The following SRRM4 variants were observed in gnomAD, a reference collection of about 807,000 sequenced individuals.
The protein encoded by SRRM4 is serine/arginine repetitive matrix 4.
In SRRM4, 33 loss-of-function variants were observed where a neutral mutation model predicts 68.9. The ratio of observed to expected loss-of-function variants is 0.48; its 90% CI spans 0.36 to 0.64. SRRM4 has a LOEUF of 0.64. SRRM4 is among the 30% of genes least tolerant of loss of function. SRRM4 has a pLI of 0.00. For missense variants in SRRM4, 817 were observed against 827.1 expected (o/e 0.99, Z 0.15); for synonymous variants, 318 against 318.8 (o/e 1.00, Z 0.03).
chr12:119,032,125 G>T (rs1342577143), intron 1 of SRRM4, among the ~76,000 whole-genome samples: 1 of 151,998 alleles, frequency 6.6e-6, no homozygotes, highest in African/African-American at 2.4e-5. Flanking sequence ...CTTCTCACCT[G>T]AGCAATGAGT....
chr12:119,090,610 C>T (rs1388565585), intron 1 of SRRM4, among the ~76,000 whole-genome samples: 1 of 152,182 alleles, frequency 6.6e-6, no homozygotes, highest in Non-Finnish European at 1.5e-5. Context: ...TTGCAGCCAA[C>T]ATTCCCACCT....
rs1396640926 is a variant in SRRM4, at chr12:119,162,800, C to T, written c.*6002C>T. ...AATCTCCTCTGGAAAATTCCCAACCCGAGGACCCACCATGAGCCCAGCTCA... is the reference window on the plus strand; with the variant it reads ...AATCTCCTCTGGAAAATTCCCAACCTGAGGACCCACCATGAGCCCAGCTCA... On this transcript the variant is annotated 3_prime_UTR_variant, in exon 13 of 13. Coordinates refer to ENST00000267260, the MANE Select transcript of SRRM4 (RefSeq NM_194286.4). 3 of 152,252 alleles carry T rather than the reference C, an allele frequency of 2.0e-5. No individual in the cohort carries two copies. The highest frequency in any genetic ancestry group is 4.8e-5 in the African/African-American group (2 of 41,454). The allele number at this position is 152,252 out of a possible 1,614,324, so 9.4% of individuals were successfully genotyped here.
Position 119,122,054 on chromosome 12 carries a change from A to T in SRRM4, c.465-16A>T. 1 of 1,579,834 alleles carries T rather than the reference A, an allele frequency of 6.3e-7. No homozygotes were observed. Among genetic ancestry groups the T allele is most frequent in the Non-Finnish European group, 8.7e-7 (1 of 1,149,114 alleles). On this transcript the variant is annotated splice_polypyrimidine_tract_variant and intron_variant, in intron 5 of 12. Coordinates refer to ENST00000267260, the MANE Select transcript of SRRM4 (RefSeq NM_194286.4). Reference sequence around the variant, plus strand: ...GAATTTTGCATCTTTCAATTAATTGACCATTTCTTGTTTAGCTCCTCTAGC... The same window carrying T: ...GAATTTTGCATCTTTCAATTAATTGTCCATTTCTTGTTTAGCTCCTCTAGC...
intron 10 of SRRM4, 86 bp from the exon 11 acceptor site, chr12:119,153,453 G>T: frequency 2.3e-6 from 2 of 868,308 alleles, no homozygotes; most frequent in Non-Finnish European, 1.9e-6. Flanking sequence ...CACTGCCCAG[G>T]GACCCGCTGA....
At chr12:118,983,160 A>T (rs970958031) in intron 1 of SRRM4, among the ~76,000 whole-genome samples, 5 of 152,224 alleles carry the variant, frequency 3.3e-5, no homozygotes, top group Admixed American at 6.5e-5. Flanking sequence ...CTTTCCAGTG[A>T]GTGTGAGGTG....
intron 2 of SRRM4, among the ~76,000 whole-genome samples, chr12:119,102,776 T>A (rs1160671616): frequency 1.3e-5 from 2 of 152,196 alleles, no homozygotes; most frequent in Non-Finnish European, 2.9e-5. Flanking sequence ...CAAATCATAG[T>A]TTCAGCCCAG....
At chr12:119,020,160 C>T (rs1022832691) in intron 1 of SRRM4, among the ~76,000 whole-genome samples, 2 of 152,006 alleles carry the variant, frequency 1.3e-5, no homozygotes, top group Non-Finnish European at 2.9e-5. Context: ...GGTGGTGGTG[C>T]TGCATGGGGC....
chr12:119,094,840 T>C (rs1954033692), intron 1 of SRRM4, among the ~76,000 whole-genome samples: 1 of 152,220 alleles, frequency 6.6e-6, no homozygotes, highest in African/African-American at 2.4e-5. Context: ...GCAGAAACAA[T>C]GTCTTGGTTA....
intron 1 of SRRM4, among the ~76,000 whole-genome samples, chr12:118,997,693 T>TA (rs1276665887): frequency 1.3e-5 from 2 of 152,076 alleles, no homozygotes; most frequent in African/African-American, 2.4e-5. Context: ...GCTTAAATGG[T>TA]AAAAAAGAAC....
chr12:119,099,677 G>C (rs1954066739), intron 1 of SRRM4, among the ~76,000 whole-genome samples: 1 of 151,902 alleles, frequency 6.6e-6, no homozygotes, highest in South Asian at 2.1e-4. Context: ...ATGTCAACCA[G>C]GTTTGCAGTC....
chr12:119,058,313 TAA>T (rs1040233497), intron 1 of SRRM4, among the ~76,000 whole-genome samples: 1 of 152,228 alleles, frequency 6.6e-6, no homozygotes, highest in Non-Finnish European at 1.5e-5. Flanking sequence ...TAACAAATAG[TAA>T]AGATTAACAA....
chr12:119,088,634 G>A (rs927107482), intron 1 of SRRM4, among the ~76,000 whole-genome samples: 5 of 147,984 alleles, frequency 3.4e-5, no homozygotes, highest in African/African-American at 1.2e-4. Flanking sequence ...AGAGATGCTG[G>A]AACACAGTGC....
At chr12:119,053,777 T>G (rs1953759743) in intron 1 of SRRM4, among the ~76,000 whole-genome samples, 1 of 152,058 alleles carries the variant, frequency 6.6e-6, no homozygotes, top group African/African-American at 2.4e-5. Flanking sequence ...GGGTATGTAG[T>G]AGGAGTATAT....
Position 119,154,483 on chromosome 12 carries a change from G to A in SRRM4, c.1532+100G>A, listed in dbSNP as rs1387719279. The A allele has an allele frequency of 1.5e-5, 20 of 1,366,140 alleles. No homozygotes were observed. The highest frequency in any genetic ancestry group is 4.5e-5 in the Admixed American group (2 of 44,724). The allele number at this position is 1,366,140 out of a possible 1,614,324, so 84.6% of individuals were successfully genotyped here. On this transcript the variant is annotated intron_variant, in intron 12 of 12. Transcript: ENST00000267260. The surrounding 1 kb of genome is among the most constrained non-coding windows in gnomAD (Gnocchi z 4.7). ...CTCTCCCTAGGCCTCCTTGGGGCTG[G>A]GATTTAGGATTGTGCGAGCTTATGG...
intron 2 of SRRM4, among the ~76,000 whole-genome samples, chr12:119,103,894 T>G (rs913994776): frequency 1.3e-5 from 2 of 152,080 alleles, no homozygotes; most frequent in Admixed American, 6.5e-5. Context: ...ATCCCAGCAC[T>G]CTGGAGGCTG....
chr12:119,129,963 AGATGGATG>A (rs10549675), intron 7 of SRRM4, among the ~76,000 whole-genome samples: 16,254 of 136,426 alleles, frequency 0.12, 1,104 homozygotes, highest in African/African-American at 0.2. Flanking sequence ...AAGGAAGGAC[AGATGGATG>A]GATGGATGGA....
intron 9 of SRRM4, among the ~76,000 whole-genome samples, chr12:119,148,761 T>C (rs898802235): frequency 5.3e-5 from 8 of 152,244 alleles, no homozygotes; most frequent in Middle Eastern, 3.2e-3. Context: ...TTGATCTCCA[T>C]GGACAGCCAA....
chr12:119,011,095 G>T (rs538270800), intron 1 of SRRM4, among the ~76,000 whole-genome samples: 1 of 151,966 alleles, frequency 6.6e-6, no homozygotes, highest in Non-Finnish European at 1.5e-5. Context: ...AGAAGAGGGG[G>T]ATATTTTAGC....
chr12:119,016,927 A>T (rs1953485568), intron 1 of SRRM4, among the ~76,000 whole-genome samples: 1 of 152,170 alleles, frequency 6.6e-6, no homozygotes, highest in Non-Finnish European at 1.5e-5. Context: ...CAGTTTTCTC[A>T]TCTGTAGAAT....
Sources: allele counts gnomAD v4.1 joint callset (sites outside exome capture counted in the v4.1 genomes callset), GRCh38; gene constraint gnomAD v4.1.1; non-coding constraint Gnocchi (gnomAD v3.1); transcripts MANE v1.5; gene names NCBI Gene and HGNC (gene_info 2026-07-23, HGNC 2026-07-21).